The following CGNL1 variants were observed in gnomAD, a reference collection of about 807,000 sequenced individuals.
CGNL1 encodes cingulin like 1.
Under a neutral mutation model 141.2 loss-of-function variants are expected in CGNL1, and 132 were observed. That is an observed-to-expected ratio of 0.93 (90% CI 0.81 to 1.08). The LOEUF is 1.08. Among genes scored for constraint, CGNL1 ranks in the 50% least tolerant of loss-of-function variants. The pLI, the probability that CGNL1 is intolerant of heterozygous loss-of-function variation, is 0.00. For missense variants in CGNL1, 1,870 were observed against 1,588.6 expected, an observed-to-expected ratio of 1.18 and a Z score of -3.01; for synonymous variants, 690 against 622.1, an observed-to-expected ratio of 1.11 and a Z score of -1.63.
intron 1 of CGNL1, among the ~76,000 whole-genome samples, chr15:57,410,933 T>C (rs981667474): frequency 6.6e-6 from 1 of 152,234 alleles, no homozygotes; most frequent in Non-Finnish European, 1.5e-5. Context: ...ATGATAAATA[T>C]GTGGTGTTGG....
At chr15:57,518,595 C>A in intron 10 of CGNL1, 98 bp downstream of exon 10, 2 of 778,944 alleles carry the variant, frequency 2.6e-6, no homozygotes, top group Non-Finnish European at 4.4e-6. Context: ...CCCTCTCTTT[C>A]CATGTAGCTC....
intron 8 of CGNL1, among the ~76,000 whole-genome samples, chr15:57,466,547 A>G (rs2063513515): frequency 6.6e-6 from 1 of 152,064 alleles, no homozygotes; most frequent in Non-Finnish European, 1.5e-5. Flanking sequence ...GAGACCTGGT[A>G]TTGTTGGCAA....
chr15:57,468,933 A>G lies in CGNL1; in HGVS notation c.2403+7041A>G, dbSNP rs935220711. Among the ~76,000 whole-genome samples, 21 of 152,270 alleles carry G rather than the reference A, an allele frequency of 1.4e-4. No individual in the cohort carries two copies. In the East Asian group the frequency reaches 3.3e-3, roughly 24 times the overall value. ...TTTGCCTGCTGCCATCCAAGACGGGACTTTTCCTCCTCGCCTTCCACCATG... is the reference window on the plus strand; with the variant it reads ...TTTGCCTGCTGCCATCCAAGACGGGGCTTTTCCTCCTCGCCTTCCACCATG... On this transcript the variant is annotated intron_variant, in intron 8 of 18. Transcript: ENST00000281282.
intron 1 of CGNL1, among the ~76,000 whole-genome samples, chr15:57,410,006 C>CAA (rs1188330373): frequency 6.6e-6 from 1 of 151,842 alleles, no homozygotes; most frequent in African/African-American, 2.4e-5. Context: ...ATTAAAGGCA[C>CAA]AAGCCGTTAG....
At chr15:57,381,895 C>T (rs550434708) in intron 1 of CGNL1, among the ~76,000 whole-genome samples, 1 of 152,330 alleles carries the variant, frequency 6.6e-6, no homozygotes, top group African/African-American at 2.4e-5. Context: ...TTATGGACTG[C>T]TGCTTTTCTA....
intron 8 of CGNL1, among the ~76,000 whole-genome samples, chr15:57,497,297 C>T (rs527905908): frequency 2.7e-5 from 4 of 146,466 alleles, no homozygotes; most frequent in Non-Finnish European, 4.5e-5. Flanking sequence ...CCCTGACAGG[C>T]GGAACTCACT....
intron 4 of CGNL1, among the ~76,000 whole-genome samples, chr15:57,448,338 C>G (rs1307600587): frequency 6.6e-6 from 1 of 151,360 alleles, no homozygotes; most frequent in East Asian, 2.0e-4. Context: ...TTTATAGAAT[C>G]TATCTCTGGA....
chr15:57,422,306 G>A (rs968816773), intron 1 of CGNL1, among the ~76,000 whole-genome samples: 15 of 151,624 alleles, frequency 9.9e-5, no homozygotes, highest in African/African-American at 3.6e-4. Flanking sequence ...CCCTCAGGAA[G>A]TCAGAGAACA....
At chr15:57,545,547 G>T in intron 16 of CGNL1, 45 bp from the exon 17 acceptor site, 1 of 1,562,268 alleles carries the variant, frequency 6.4e-7, no homozygotes. Flanking sequence ...GCCCCCTGCA[G>T]GGATGGGAGT....
In CGNL1 at chr15:57,523,589, T is replaced by C; in HGVS notation, c.2816T>C (p.Met939Thr). The C allele has an allele frequency of 6.2e-7, 1 of 1,613,938 alleles. No individual in the cohort carries two copies. Among genetic ancestry groups the C allele is most frequent in the East Asian group, 2.2e-5 (1 of 44,876 alleles). Residue 939 changes from methionine (M) to threonine (T), a missense_variant, in exon 11 of 19, where the codon ATG (methionine) becomes ACG (threonine). By Grantham distance (81) the Met-to-Thr change is moderately conservative (BLOSUM62 -1). Coordinates refer to ENST00000281282, the MANE Select transcript of CGNL1 (RefSeq NM_032866.5). ...KEQLRRLKNE[M>T]ENERWHLGKT... ...CAGCTAAGAAGGTTGAAGAACGAGA[T>C]GGAGAATGAGCGGTGGCACCTGGGC... is the stretch of plus-strand genomic sequence containing the variant.
At chr15:57,399,403 A>G (rs2668179) in intron 1 of CGNL1, among the ~76,000 whole-genome samples, 86,530 of 151,980 alleles carry the variant, frequency 0.57, 24,903 homozygotes, top group African/African-American at 0.61. Context: ...ATTGTAGTCC[A>G]TATTTGAATA....
intron 8 of CGNL1, among the ~76,000 whole-genome samples, chr15:57,482,520 C>A (rs2063738179): frequency 6.6e-6 from 1 of 152,214 alleles, no homozygotes; most frequent in South Asian, 2.1e-4. Context: ...TATCCAGTTG[C>A]TCCAGCGCCA....
At chr15:57,514,157 T>G (rs1166869153) in intron 8 of CGNL1, among the ~76,000 whole-genome samples, 3 of 152,092 alleles carry the variant, frequency 2.0e-5, no homozygotes, top group African/African-American at 4.8e-5. Flanking sequence ...CATTGTTTAT[T>G]TATTTATTTT....
intron 1 of CGNL1, among the ~76,000 whole-genome samples, chr15:57,409,037 T>TCTCTCACACACACACACACA (rs143760210): frequency 7.1e-6 from 1 of 141,734 alleles, no homozygotes; most frequent in African/African-American, 2.7e-5. Flanking sequence ...TGAGACTCTG[T>TCTCTCACACACACACACACA]CACACACACA....
intron 4 of CGNL1, 82 bp from the exon 5 acceptor site, chr15:57,451,418 C>T (rs765995366): frequency 2.0e-6 from 2 of 988,090 alleles, no homozygotes; most frequent in Non-Finnish European, 3.1e-6. Flanking sequence ...TGTTACTGCA[C>T]TGATTATATT....
At position 57,545,991 on chromosome 15, in the gene CGNL1, G is replaced by A. The variant is rs2032842001; in HGVS notation, c.3610-85G>A. The A allele has an allele frequency of 1.1e-5, 16 of 1,468,948 alleles. No homozygotes were observed. In the South Asian group the frequency reaches 2.0e-4, roughly 18 times the overall value. The allele number at this position is 1,468,948 out of a possible 1,614,324, so 91.0% of individuals were successfully genotyped here. ...CATTGCCCATGTCTTGGTTGCCTGG[G>A]GAGATGGTGGCTGGACCTGGGGTAA... On this transcript the variant is annotated intron_variant, in intron 17 of 18. Coordinates refer to ENST00000281282, the MANE Select transcript of CGNL1 (RefSeq NM_032866.5).
intron 10 of CGNL1, among the ~76,000 whole-genome samples, chr15:57,519,707 C>T (rs1392383576): frequency 6.6e-6 from 1 of 152,142 alleles, no homozygotes; most frequent in Non-Finnish European, 1.5e-5. Context: ...AGGTTGGTTA[C>T]TGTTACCCAA....
At chr15:57,401,619 T>C (rs1181416854) in intron 1 of CGNL1, among the ~76,000 whole-genome samples, 1 of 152,210 alleles carries the variant, frequency 6.6e-6, no homozygotes, top group Non-Finnish European at 1.5e-5. Flanking sequence ...TGAAGAATCA[T>C]TTCATTTGAG....
chr15:57,496,236 A>G (rs753619809), intron 8 of CGNL1, among the ~76,000 whole-genome samples: 1 of 152,198 alleles, frequency 6.6e-6, no homozygotes, highest in Non-Finnish European at 1.5e-5. Context: ...TGTTTCTCAG[A>G]AAATCATGGT....
Sources: gnomAD v4.1 joint callset for allele counts (sites outside exome capture counted in the v4.1 genomes callset) on GRCh38, gnomAD v4.1.1 for gene constraint, MANE v1.5 for transcripts, NCBI Gene and HGNC (gene_info 2026-07-23, HGNC 2026-07-21) for gene names.